The following B4GALNT3 variants were observed in gnomAD, a reference collection of about 807,000 sequenced individuals.
B4GALNT3 encodes the protein beta-1,4-N-acetyl-galactosaminyltransferase 3.
In B4GALNT3, 86 loss-of-function variants were observed where a neutral mutation model predicts 120.2. The observed-to-expected ratio is 0.72, with a 90% CI of 0.60 to 0.86. The LOEUF (loss-of-function observed/expected upper bound fraction) is 0.86. Among genes scored for constraint, B4GALNT3 ranks in the 40% least tolerant of loss-of-function variants. The pLI is 0.00. For synonymous variants in B4GALNT3, 518 were observed against 510.4 expected (o/e 1.01, Z -0.20); for missense variants, 1,167 against 1,298.9 (o/e 0.90, Z 1.56).
chr12:543,135 G>T, intron 3 of B4GALNT3: 1 of 1,204,418 alleles, frequency 8.3e-7, no homozygotes, highest in Non-Finnish European at 1.1e-6. Flanking sequence ...GGGAGAGTAT[G>T]TGTGTGTGTG....
Position 548,405 on chromosome 12 carries a change from T to A in B4GALNT3, c.853+108T>A. 1 of 1,015,126 alleles carries A rather than the reference T, an allele frequency of 9.9e-7. No individual in the cohort carries two copies. The highest frequency in any genetic ancestry group is 1.5e-6 in the Non-Finnish European group (1 of 658,306). The allele number at this position is 1,015,126 out of a possible 1,614,324, so 62.9% of individuals were successfully genotyped here. ...AGGAGGGGAGGAAGGAAGCTCGAGATGCTTGGGACACGGGTATGAAGGGGT... is the reference window on the plus strand; with the variant it reads ...AGGAGGGGAGGAAGGAAGCTCGAGAAGCTTGGGACACGGGTATGAAGGGGT... On this transcript the variant is annotated intron_variant, in intron 9 of 19. Transcript: ENST00000266383. This position sits in a 1 kb window ranked among gnomAD's most constrained non-coding sequence, Gnocchi z 4.9.
Position 556,711 on chromosome 12 carries a change from G to A in B4GALNT3, c.2225G>A (p.Gly742Glu), listed in dbSNP as rs767282045. 25 of 1,613,806 alleles carry A rather than the reference G, an allele frequency of 1.5e-5. No individual in the cohort carries two copies. Among genetic ancestry groups the A allele is most frequent in the African/African-American group, 2.7e-5 (2 of 74,946 alleles). ...RGWQGIDPAG[G>E]EEVEARNLQG... ...TGGCAGGGCATCGATCCAGCTGGTGGGGAGGAGGTCGAGGCCCGGAACCTG... is the reference window on the plus strand; with the variant it reads ...TGGCAGGGCATCGATCCAGCTGGTGAGGAGGAGGTCGAGGCCCGGAACCTG... The change falls in exon 15 of 20, where the codon GGG becomes GAG. Residue 742 changes from glycine to glutamate, a missense_variant. Physicochemically the swap from Gly to Glu is moderately conservative, Grantham distance 98. Around this residue, in one of 3 missense-constraint regions of B4GALNT3, gnomAD observed 983 missense variants for 1,102.5 expected, o/e 0.89. Transcript: ENST00000266383.
At chr12:547,520 C>T (rs1947022946) in intron 7 of B4GALNT3, among the ~76,000 whole-genome samples, 1 of 152,100 alleles carries the variant, frequency 6.6e-6, no homozygotes, top group Non-Finnish European at 1.5e-5. Context: ...GACAATCTTG[C>T]TTGCAAAGAG....
chr12:524,250 CCTTCTCCGTCCTAT>C (rs1424670297), intron 1 of B4GALNT3, among the ~76,000 whole-genome samples: 1 of 152,184 alleles, frequency 6.6e-6, no homozygotes, highest in Non-Finnish European at 1.5e-5. Flanking sequence ...GTCATACATG[CCTTCTCCGTCCTAT>C]TTATCACTAC....
In B4GALNT3 at chr12:557,659, T is replaced by C; in HGVS notation, c.2432T>C (p.Leu811Pro). The C allele has an allele frequency of 6.2e-7, 1 of 1,611,614 alleles. No individual in the cohort carries two copies. The highest frequency in any genetic ancestry group is 8.5e-7 in the Non-Finnish European group (1 of 1,179,222). ...VQQFIKDMEN[L>P]FQVTGDPHFN... is the part of the protein sequence containing the mutation. ...CAATTCATCAAAGACATGGAAAACCTGTTCCAGGTCACCGGTGACCCACAC... is the reference window on the plus strand; with the variant it reads ...CAATTCATCAAAGACATGGAAAACCCGTTCCAGGTCACCGGTGACCCACAC... Residue 811 changes from leucine (L) to proline (P), a missense_variant, in exon 16 of 20, where the codon CTG becomes CCG. Leu to Pro is a moderately conservative substitution (Grantham distance 98). Around this residue, in one of 3 missense-constraint regions of B4GALNT3, gnomAD observed 983 missense variants for 1,102.5 expected, o/e 0.89. Coordinates refer to ENST00000266383, the MANE Select transcript of B4GALNT3 (RefSeq NM_173593.4).
At chr12:464,352 G>T (rs538470202) in intron 1 of B4GALNT3, among the ~76,000 whole-genome samples, 2 of 152,170 alleles carry the variant, frequency 1.3e-5, no homozygotes, top group African/African-American at 2.4e-5. Flanking sequence ...ACTAGAGGCC[G>T]GGGGTGGTGG....
intron 1 of B4GALNT3, among the ~76,000 whole-genome samples, chr12:510,634 A>G (rs1376088482): frequency 6.9e-6 from 1 of 145,496 alleles, no homozygotes; most frequent in Non-Finnish European, 1.5e-5. Flanking sequence ...GGGGTTGGGT[A>G]TGAGAGGGAG....
intron 1 of B4GALNT3, among the ~76,000 whole-genome samples, chr12:463,197 G>A (rs1946039710): frequency 1.3e-5 from 2 of 152,240 alleles, no homozygotes. Context: ...GCCTGTCCCT[G>A]TGTTGGATCT....
intron 3 of B4GALNT3, among the ~76,000 whole-genome samples, chr12:539,255 A>G (rs547907261): frequency 6.6e-6 from 1 of 152,312 alleles, no homozygotes; most frequent in South Asian, 2.1e-4. Context: ...TGTTCACACC[A>G]ACACTGATCA....
intron 14 of B4GALNT3, among the ~76,000 whole-genome samples, chr12:554,678 T>C (rs12828863): frequency 3.4e-5 from 5 of 146,176 alleles, no homozygotes; most frequent in Non-Finnish European, 6.0e-5. Flanking sequence ...TAGTCCCAGC[T>C]ACTCGGGAGG....
At chr12:479,915 CTTTTT>C (rs55829689) in intron 1 of B4GALNT3, among the ~76,000 whole-genome samples, 4 of 105,460 alleles carry the variant, frequency 3.8e-5, no homozygotes, top group African/African-American at 7.0e-5. Flanking sequence ...ATGGGGAGTT[CTTTTT>C]TTTTTTTTTT....
chr12:531,322 C>T (rs1188015390), intron 1 of B4GALNT3, among the ~76,000 whole-genome samples: 1 of 151,930 alleles, frequency 6.6e-6, no homozygotes, highest in South Asian at 2.1e-4. Context: ...ACTGCTGGCC[C>T]ACTGCTGGCC....
Position 558,514 on chromosome 12 carries a change from C to T in B4GALNT3, c.2614C>T (p.His872Tyr), listed in dbSNP as rs768262474. The part of the protein sequence containing the change: ...QAGIDLVKDP[H>Y]SIIFLCDLHI... Reference sequence around the variant, plus strand: ...TGCCCACATCTGTCCCCAGGACCCGCACAGCATCATCTTCCTCTGTGACCT... The same window carrying T: ...TGCCCACATCTGTCCCCAGGACCCGTACAGCATCATCTTCCTCTGTGACCT... Residue 872 changes from histidine to tyrosine, a missense_variant, in exon 18 of 20, where the codon CAC becomes TAC. By Grantham distance (83) the His-to-Tyr change is moderately conservative. Transcript: ENST00000266383. The T allele has an allele frequency of 5.0e-6, 8 of 1,614,072 alleles. No homozygotes were observed. The highest frequency in any genetic ancestry group is 5.9e-6 in the Non-Finnish European group (7 of 1,179,962).
intron 1 of B4GALNT3, among the ~76,000 whole-genome samples, chr12:487,151 GA>G (rs1471591737): frequency 6.6e-6 from 1 of 151,888 alleles, no homozygotes; most frequent in African/African-American, 2.4e-5. Context: ...AAAGCACAGA[GA>G]AAAAAGACAA....
rs762032000 is a variant in B4GALNT3, at chr12:511,013, C to CTTTTTTTTTTT, written c.170-24121_170-24111dup. 3.6e-4 allele frequency among the ~76,000 whole-genome samples: 16 copies of CTTTTTTTTTTT among 43,856 alleles called. 6 individuals carry two copies. The highest frequency in any genetic ancestry group is 5.0e-4 in the Non-Finnish European group (11 of 21,838). 28.8% of individuals were successfully genotyped at this position (43,856 alleles called of 152,430 possible). ...TTTGGTCTCTATGGATTTGCCTATT[C>CTTTTTTTTTTT]TTTTTTTTTTTTTTTTTTTTTTTTT... is the stretch of plus-strand genomic sequence containing the variant. On this transcript the variant is annotated intron_variant, in intron 1 of 19. Coordinates refer to ENST00000266383, the MANE Select transcript of B4GALNT3 (RefSeq NM_173593.4).
rs190363976 is a variant in B4GALNT3 at position 471,857 on chromosome 12, A to T, written c.169+11312A>T. On this transcript the variant is annotated intron_variant, in intron 1 of 19. Coordinates refer to ENST00000266383, the MANE Select transcript of B4GALNT3 (RefSeq NM_173593.4). ...ATGTTAGCATCTGCTTACTGCTCTG[A>T]TTTTTACATCTTCAAATTTGGCTGC... Among the ~76,000 whole-genome samples, 3 of 152,292 alleles carry T rather than the reference A, an allele frequency of 2.0e-5. No homozygotes were observed. The East Asian group carries it at 5.8e-4, about 29-fold the overall frequency.
At chr12:516,585 T>C (rs1946658942) in intron 1 of B4GALNT3, among the ~76,000 whole-genome samples, 1 of 152,208 alleles carries the variant, frequency 6.6e-6, no homozygotes, top group Non-Finnish European at 1.5e-5. Context: ...AATTGGAATA[T>C]TTTTGAGAGT....
intron 1 of B4GALNT3, among the ~76,000 whole-genome samples, chr12:521,186 G>A (rs1001175771): frequency 1.6e-4 from 25 of 152,194 alleles, no homozygotes; most frequent in Admixed American, 7.2e-4. Flanking sequence ...AAGGATGTGC[G>A]GTCCTTCTGC....
chr12:506,239 A>G (rs1946495799), intron 1 of B4GALNT3, among the ~76,000 whole-genome samples: 1 of 152,164 alleles, frequency 6.6e-6, no homozygotes, highest in African/African-American at 2.4e-5. Flanking sequence ...ATAGAGTGTA[A>G]CACTTACAAT....
Sources: allele counts gnomAD v4.1 joint callset (sites outside exome capture counted in the v4.1 genomes callset), GRCh38; gene constraint gnomAD v4.1.1; regional missense constraint gnomAD v4.1.1; non-coding constraint Gnocchi (gnomAD v3.1); transcripts MANE v1.5; gene names NCBI Gene and HGNC (gene_info 2026-07-23, HGNC 2026-07-21).